KIAA0586: variants seen among roughly 807,000 people sequenced by gnomAD.
KIAA0586 encodes the protein protein TALPID3.
KIAA0586 carries 144 observed loss-of-function variants against 169.8 expected under a neutral mutation model. That is an observed-to-expected ratio of 0.85 (90% CI 0.74 to 0.97). KIAA0586 has a LOEUF of 0.97. Among genes scored for constraint, KIAA0586 ranks in the 50% least tolerant of loss-of-function variants. KIAA0586 has a pLI of 0.00. For missense variants in KIAA0586, 1,854 were observed against 1,823.0 expected (o/e 1.02, Z -0.31); for synonymous variants, 625 against 612.4 (o/e 1.02, Z -0.30).
chr14:58,436,526 A>G (rs1307943080), intron 4 of KIAA0586, among the ~76,000 whole-genome samples: 1 of 152,178 alleles, frequency 6.6e-6, no homozygotes, highest in African/African-American at 2.4e-5. Context: ...AAATTAGCAT[A>G]TGTTTGGCTG....
At chr14:58,538,579 A>G (rs370277475) in intron 29 of KIAA0586, among the ~76,000 whole-genome samples, 116 of 152,200 alleles carry the variant, frequency 7.6e-4, no homozygotes, top group African/African-American at 2.4e-3. Context: ...AAACAATCCA[A>G]TTATACTCAG....
Position 58,456,717 on chromosome 14 carries a change from A to C in KIAA0586, c.1269A>C (p.Glu423Asp). Residue 423 changes from glutamate to aspartate, a missense_variant, in exon 10 of 31, where the codon GAA (glutamate) becomes GAC (aspartate). Transcript: ENST00000652326. ...PEKTNRFPSC[E>D]ELETTKVTMQ... The stretch of plus-strand genomic sequence containing the variant: ...CTTCTCAAAGATTTCCTTCCTGTGA[A>C]GAGCTAGAAACAACTAAAGTGACTA... 1.3e-6 allele frequency: 2 copies of C among 1,595,544 alleles called. No homozygotes were observed. The highest frequency in any genetic ancestry group is 1.7e-6 in the Non-Finnish European group (2 of 1,168,446).
intron 9 of KIAA0586, among the ~76,000 whole-genome samples, chr14:58,454,295 C>T (rs995168907): frequency 6.6e-6 from 1 of 152,288 alleles, no homozygotes; most frequent in East Asian, 1.9e-4. Flanking sequence ...TATTCAGAAA[C>T]TTTGCTCCAG....
At chr14:58,487,860 TC>T (rs1389736813) in intron 22 of KIAA0586, 26 bp from the exon 23 acceptor site, 2 of 1,410,950 alleles carry the variant, frequency 1.4e-6, no homozygotes. Context: ...ACTATCTTTT[TC>T]TGTCCTTTTA....
At chr14:58,480,131 C>G (rs2041929447) in intron 20 of KIAA0586, among the ~76,000 whole-genome samples, 2 of 151,992 alleles carry the variant, frequency 1.3e-5, no homozygotes, top group South Asian at 4.1e-4. Context: ...TTCTCATTAC[C>G]TACTTCCTCT....
Position 58,430,636 on chromosome 14 carries a change from C to G in KIAA0586, c.271-12C>G. ...GTTTATTTAGCCTATTTCTTCCTTTCATATCCCAAAGGATTTTTCTAAAGA... is the reference window on the plus strand; with the variant it reads ...GTTTATTTAGCCTATTTCTTCCTTTGATATCCCAAAGGATTTTTCTAAAGA... On this transcript the variant is annotated splice_polypyrimidine_tract_variant and intron_variant, in intron 2 of 30. Transcript: ENST00000652326. The G allele has an allele frequency of 1.3e-6, 2 of 1,558,728 alleles. No individual in the cohort carries two copies. Among genetic ancestry groups the G allele is most frequent in the Non-Finnish European group, 1.8e-6 (2 of 1,139,306 alleles).
At chr14:58,558,507 G>A in the KIAA0586 span, among the ~76,000 whole-genome samples, 1 of 152,172 alleles carries the variant, frequency 6.6e-6, no homozygotes, top group African/African-American at 2.4e-5. Context: ...GGAATACTTA[G>A]ATCCTTAAGA....
At chr14:58,483,014 T>A (rs2141123856) in intron 21 of KIAA0586, among the ~76,000 whole-genome samples, 1 of 152,308 alleles carries the variant, frequency 6.6e-6, no homozygotes, top group Non-Finnish European at 1.5e-5. Flanking sequence ...CTTAAATCTA[T>A]AGAATAGTTG....
In KIAA0586 at chr14:58,482,492, ATTT is replaced by A; in HGVS notation, c.2945-11_2945-9del. On this transcript the variant is annotated intron_variant, in intron 20 of 30. Coordinates refer to ENST00000652326, the MANE Select transcript of KIAA0586 (RefSeq NM_001329943.3). ...GCATGTTTCTTGCCCACTTATTCTG[ATTT>A]TTTTTTTTTACTTTTAGTGGAAGGA... is the stretch of plus-strand genomic sequence containing the variant. The A allele has an allele frequency of 5.3e-6, 6 of 1,134,256 alleles. No individual in the cohort carries two copies. Among genetic ancestry groups the A allele is most frequent in the South Asian group, 1.9e-5 (1 of 53,648 alleles). 70.3% of individuals were successfully genotyped at this position (1,134,256 alleles called of 1,614,324 possible). A position where few individuals can be genotyped will look rare whatever the true frequency, so the allele number is the denominator to read the frequency against.
the KIAA0586 span, among the ~76,000 whole-genome samples, chr14:58,557,758 T>G: frequency 6.6e-6 from 1 of 152,106 alleles, no homozygotes; most frequent in African/African-American, 2.4e-5. Flanking sequence ...CTTTCCTCTG[T>G]TTGGCATAGT....
At chr14:58,497,385 AGT>A (rs2043226974) in intron 26 of KIAA0586, among the ~76,000 whole-genome samples, 2 of 149,540 alleles carry the variant, frequency 1.3e-5, no homozygotes, top group Non-Finnish European at 3.0e-5. Context: ...TTTGAGACAG[AGT>A]ATCACTCTGT....
At chr14:58,508,111 A>G (rs2141424638) in intron 27 of KIAA0586, among the ~76,000 whole-genome samples, 1 of 152,290 alleles carries the variant, frequency 6.6e-6, no homozygotes. Context: ...AGAAAATAAG[A>G]GCTTGATCAC....
the KIAA0586 span, among the ~76,000 whole-genome samples, chr14:58,558,376 A>G: frequency 6.6e-6 from 1 of 152,216 alleles, no homozygotes; most frequent in Non-Finnish European, 1.5e-5. Context: ...ATTTTCAGGT[A>G]GAGTTGTAAC....
chr14:58,512,670 G>C, intron 29 of KIAA0586, 43 bp downstream of exon 29: 1 of 1,002,108 alleles, frequency 1.0e-6, no homozygotes, highest in Middle Eastern at 2.0e-4. Flanking sequence ...TTTGATACTT[G>C]TCTGAATATT....
chr14:58,521,964 C>T, intron 29 of KIAA0586: 1 of 1,369,964 alleles, frequency 7.3e-7, no homozygotes, highest in South Asian at 1.2e-5. Flanking sequence ...ATGACAGAGA[C>T]AGCACCAATG....
chr14:58,519,149 A>G (rs954096818), intron 29 of KIAA0586, among the ~76,000 whole-genome samples: 1 of 152,214 alleles, frequency 6.6e-6, no homozygotes, highest in African/African-American at 2.4e-5. Context: ...AAACCAAAAC[A>G]AAACAAAACA....
Position 58,508,615 on chromosome 14 carries a change from TG to T in KIAA0586, c.4231del (p.Glu1411SerfsTer13). The T allele has an allele frequency of 6.3e-7, 1 of 1,598,086 alleles. No individual in the cohort carries two copies. ...HGPMSLGELE[L>X]EPNSKLVLPT... Reference sequence around the variant, plus strand: ...CCAATGAGTTTGGGAGAATTGGAGTTGGAGCCAAATTCTAAGCTGGTTCTTC... The same window carrying T: ...CCAATGAGTTTGGGAGAATTGGAGTTGAGCCAAATTCTAAGCTGGTTCTTC... On this transcript the variant is annotated frameshift_variant, in exon 28 of 31. Transcript: ENST00000652326. LOFTEE classifies it high-confidence loss of function.
chr14:58,523,360 C>G (rs995403484), intron 29 of KIAA0586, among the ~76,000 whole-genome samples: 4 of 152,088 alleles, frequency 2.6e-5, no homozygotes, highest in African/African-American at 9.7e-5. Context: ...AAACCATACA[C>G]GAGGATTGTT....
chr14:58,449,752 A>G (rs1027140016), intron 7 of KIAA0586, among the ~76,000 whole-genome samples: 1 of 152,164 alleles, frequency 6.6e-6, no homozygotes, highest in African/African-American at 2.4e-5. Flanking sequence ...TCATAACTCA[A>G]TTCCAGAGAA....
Sources: allele counts gnomAD v4.1 joint callset (sites outside exome capture counted in the v4.1 genomes callset), GRCh38; gene constraint gnomAD v4.1.1; transcripts MANE v1.5; gene names NCBI Gene and HGNC (gene_info 2026-07-23, HGNC 2026-07-21).